The following CLIC5 variants were observed in gnomAD, a reference collection of about 807,000 sequenced individuals.
CLIC5 encodes the protein chloride intracellular channel protein 5.
Under a neutral mutation model 24.7 loss-of-function variants are expected in CLIC5, and 20 were observed. That is an observed-to-expected ratio of 0.81 (90% CI 0.57 to 1.18). CLIC5 has a LOEUF of 1.18. Ranked by LOEUF, CLIC5 falls within the 50% of genes most tolerant of loss-of-function variation. The pLI, the probability that CLIC5 is intolerant of heterozygous loss-of-function variation, is 0.00. For synonymous variants in CLIC5, 159 were observed against 135.6 expected (o/e 1.17, Z -1.20); for missense variants, 341 against 326.1 (o/e 1.05, Z -0.35).
intron 1 of CLIC5, among the ~76,000 whole-genome samples, chr6:45,960,517 A>C (rs1555213): frequency 0.17 from 26,030 of 152,166 alleles, 2,658 homozygotes; most frequent in Middle Eastern, 0.25. Context: ...GGGGGTGGGC[A>C]GTGTAGCTGT....
chr6:46,071,810 G>A (rs755167776), intron 1 of CLIC5, among the ~76,000 whole-genome samples: 7 of 152,096 alleles, frequency 4.6e-5, no homozygotes, highest in East Asian at 1.9e-4. Flanking sequence ...AGCACTATTC[G>A]CAATAGCAAA....
intron 3 of CLIC5, among the ~76,000 whole-genome samples, chr6:45,943,822 T>A (rs1195673611): frequency 6.6e-6 from 1 of 152,174 alleles, no homozygotes; most frequent in Non-Finnish European, 1.5e-5. Context: ...TCCCAAGCAC[T>A]AGGACTCGTT....
intron 1 of CLIC5, among the ~76,000 whole-genome samples, chr6:45,955,578 C>T (rs557907764): frequency 1.1e-4 from 17 of 152,144 alleles, no homozygotes; most frequent in South Asian, 2.1e-4. Context: ...AACATCTACA[C>T]CCCCAAGTAA....
intron 1 of CLIC5, among the ~76,000 whole-genome samples, chr6:46,004,128 G>C (rs965724107): frequency 9.9e-5 from 15 of 152,206 alleles, no homozygotes; most frequent in Middle Eastern, 3.2e-3. Context: ...CTAGCAGATG[G>C]GGAATCGATG....
At chr6:45,904,224 A>G (rs1468985844) in intron 5 of CLIC5, among the ~76,000 whole-genome samples, 4 of 152,196 alleles carry the variant, frequency 2.6e-5, no homozygotes, top group Non-Finnish European at 5.9e-5. Context: ...CCTACTTTGG[A>G]GTAATAAATT....
chr6:46,061,600 C>T (rs1328293397), intron 1 of CLIC5, among the ~76,000 whole-genome samples: 1 of 152,216 alleles, frequency 6.6e-6, no homozygotes, highest in Non-Finnish European at 1.5e-5. Context: ...GGGCAACATC[C>T]TCAGTCCTCA....
At chr6:45,982,387 G>A (rs770244643) in intron 1 of CLIC5, among the ~76,000 whole-genome samples, 15 of 152,056 alleles carry the variant, frequency 9.9e-5, no homozygotes, top group South Asian at 2.1e-4. Flanking sequence ...ATACAGTCAC[G>A]AATTGCTTAA....
At chr6:45,882,328 T>C (rs1289946195) in intron 6 of CLIC5, among the ~76,000 whole-genome samples, 1 of 152,226 alleles carries the variant, frequency 6.6e-6, no homozygotes, top group African/African-American at 2.4e-5. Context: ...TCATTACCAA[T>C]CTCAGATTAA....
intron 5 of CLIC5, chr6:45,911,830 T>A: frequency 2.0e-6 from 2 of 985,554 alleles, no homozygotes; most frequent in Non-Finnish European, 2.4e-6. Flanking sequence ...AACGAAGACC[T>A]GTGCACCCTG....
intron 1 of CLIC5, among the ~76,000 whole-genome samples, chr6:46,012,213 T>G (rs1171003747): frequency 6.6e-6 from 1 of 152,222 alleles, no homozygotes; most frequent in Non-Finnish European, 1.5e-5. Flanking sequence ...GTCTCCTTAT[T>G]TATAACCATG....
intron 1 of CLIC5, among the ~76,000 whole-genome samples, chr6:46,012,745 G>C (rs1766851199): frequency 6.6e-6 from 1 of 152,200 alleles, no homozygotes; most frequent in East Asian, 1.9e-4. Flanking sequence ...TTGTTCAACA[G>C]AACAGGAGGA....
chr6:46,112,249 C>T, the CLIC5 span, among the ~76,000 whole-genome samples: 1 of 152,138 alleles, frequency 6.6e-6, no homozygotes, highest in African/African-American at 2.4e-5. Flanking sequence ...TTCTCTGAGG[C>T]CTTCCCCTGT....
chr6:45,924,321 G>T (rs192309788), intron 4 of CLIC5, among the ~76,000 whole-genome samples: 3 of 152,178 alleles, frequency 2.0e-5, no homozygotes, highest in African/African-American at 7.2e-5. Flanking sequence ...TAAAGGTTGG[G>T]GGTGACTGAT....
At chr6:46,080,993 A>C (rs946000252), upstream of CLIC5, among the ~76,000 whole-genome samples, 3 of 152,218 alleles carry the variant, frequency 2.0e-5, no homozygotes, top group South Asian at 2.1e-4. Context: ...CATTCACTAA[A>C]ATCCTATCAT....
At chr6:45,980,095 T>C (rs1415089845) in intron 1 of CLIC5, among the ~76,000 whole-genome samples, 1 of 151,768 alleles carries the variant, frequency 6.6e-6, no homozygotes, top group Non-Finnish European at 1.5e-5. Flanking sequence ...AAGGTAGGGG[T>C]TGAGTTTCAA....
chr6:46,027,233 G>C (rs989262171), intron 1 of CLIC5, among the ~76,000 whole-genome samples: 2 of 152,186 alleles, frequency 1.3e-5, no homozygotes, highest in Non-Finnish European at 2.9e-5. Flanking sequence ...GGGTGAGGAA[G>C]CCTCCTGCAC....
chr6:45,907,687 A>G (rs1489720855), intron 5 of CLIC5, among the ~76,000 whole-genome samples: 1 of 152,118 alleles, frequency 6.6e-6, no homozygotes, highest in African/African-American at 2.4e-5. Flanking sequence ...TTTTTAAATT[A>G]CTGATTCAAT....
chr6:45,907,964 G>A (rs1019384377), intron 5 of CLIC5, among the ~76,000 whole-genome samples: 1 of 152,058 alleles, frequency 6.6e-6, no homozygotes, highest in Non-Finnish European at 1.5e-5. Context: ...CGGTGAGTGG[G>A]CATCCTTGTC....
At chr6:45,894,456 G>A (rs1049346270), downstream of CLIC5, among the ~76,000 whole-genome samples, 5 of 151,996 alleles carry the variant, frequency 3.3e-5, no homozygotes, top group African/African-American at 1.2e-4. Context: ...AAAGAAAACT[G>A]GTTAAATGTA....
Sources: gnomAD v4.1 joint callset for allele counts (sites outside exome capture counted in the v4.1 genomes callset) on GRCh38, gnomAD v4.1.1 for gene constraint, MANE v1.5 for transcripts, NCBI Gene and HGNC (gene_info 2026-07-23, HGNC 2026-07-21) for gene names.